The following ROBO2 variants were observed in gnomAD, a reference collection of about 807,000 sequenced individuals.
ROBO2 encodes roundabout guidance receptor 2, also known as roundabout homolog 2.
ROBO2 carries 53 observed loss-of-function variants against 160.8 expected under a neutral mutation model. The ratio of observed to expected loss-of-function variants is 0.33; its 90% CI spans 0.26 to 0.41. The LOEUF (loss-of-function observed/expected upper bound fraction) is 0.41, where lower values mean the gene tolerates loss of function less well. Ranked by LOEUF, ROBO2 falls within the 10% of genes least tolerant of loss-of-function variation. The pLI, the probability that ROBO2 is intolerant of heterozygous loss-of-function variation, is 1.00. For missense variants in ROBO2, 1,577 were observed against 1,722.4 expected (o/e 0.92, Z 1.49); for synonymous variants, 664 against 611.7 (o/e 1.09, Z -1.26).
chr3:77,196,922 G>A (rs2082359721), intron 2 of ROBO2, among the ~76,000 whole-genome samples: 1 of 150,246 alleles, frequency 6.7e-6, no homozygotes, highest in Non-Finnish European at 1.5e-5. Flanking sequence ...CAAAATATGA[G>A]AACAATTTGG....
chr3:76,357,853 A>G, intron 2 of ROBO2, among the ~76,000 whole-genome samples: 1 of 150,648 alleles, frequency 6.6e-6, no homozygotes, highest in East Asian at 1.9e-4. Context: ...AGAAACATCA[A>G]ACCAAATCAA....
At chr3:76,717,555 A>T (rs2093401541) in intron 2 of ROBO2, among the ~76,000 whole-genome samples, 1 of 152,082 alleles carries the variant, frequency 6.6e-6, no homozygotes, top group Admixed American at 6.6e-5. Flanking sequence ...TGGAGAGTGT[A>T]AATGTGAGTA....
At chr3:76,209,251 G>T (rs188154895) in intron 2 of ROBO2, among the ~76,000 whole-genome samples, 71 of 152,184 alleles carry the variant, frequency 4.7e-4, no homozygotes, top group African/African-American at 1.7e-3. Context: ...TTGCTTTCCT[G>T]TCAGACCTAC....
At chr3:77,524,899 A>G (rs1379350425) in intron 6 of ROBO2, among the ~76,000 whole-genome samples, 1 of 151,180 alleles carries the variant, frequency 6.6e-6, no homozygotes, top group Non-Finnish European at 1.5e-5. Context: ...CCTCTCTAAG[A>G]CTGAAACCTC....
At chr3:77,247,486 G>A (rs1261844870) in intron 2 of ROBO2, among the ~76,000 whole-genome samples, 1 of 152,210 alleles carries the variant, frequency 6.6e-6, no homozygotes, top group Non-Finnish European at 1.5e-5. Context: ...TGTTTACAGT[G>A]CTGAGAGTGA....
chr3:77,028,500 G>T (rs2149538491), intron 2 of ROBO2, among the ~76,000 whole-genome samples: 1 of 152,232 alleles, frequency 6.6e-6, no homozygotes, highest in East Asian at 1.9e-4. Context: ...CGGATCACCT[G>T]AGGTAAGGAG....
chr3:77,039,184 C>T (rs562888813), upstream of ROBO2, among the ~76,000 whole-genome samples: 14 of 152,290 alleles, frequency 9.2e-5, no homozygotes, highest in Middle Eastern at 3.4e-3. Context: ...GAATTCTGCC[C>T]CCTCCTTTTT....
At chr3:77,106,691 G>A (rs758207596) in intron 2 of ROBO2, among the ~76,000 whole-genome samples, 2 of 152,146 alleles carry the variant, frequency 1.3e-5, no homozygotes, top group African/African-American at 2.4e-5. Flanking sequence ...GCTGCTAAGG[G>A]ATGAGGTTCA....
intron 2 of ROBO2, among the ~76,000 whole-genome samples, chr3:76,381,824 AT>A (rs1185568731): frequency 3.3e-5 from 5 of 152,130 alleles, no homozygotes; most frequent in Non-Finnish European, 7.3e-5. Flanking sequence ...ATTGCGCCTT[AT>A]GTGTCACTGC....
chr3:76,606,443 T>G (rs2087663349), intron 2 of ROBO2, among the ~76,000 whole-genome samples: 2 of 152,202 alleles, frequency 1.3e-5, no homozygotes, highest in Non-Finnish European at 1.5e-5. Flanking sequence ...TTCTAAGCCC[T>G]GTGGAATAGA....
At chr3:76,528,743 C>A (rs553196429) in intron 2 of ROBO2, among the ~76,000 whole-genome samples, 64 of 151,916 alleles carry the variant, frequency 4.2e-4, no homozygotes, top group African/African-American at 1.4e-3. Context: ...GATGTGATCA[C>A]CAGGGGAAGG....
chr3:77,606,764 A>G (rs1025063698), intron 20 of ROBO2, among the ~76,000 whole-genome samples: 1 of 152,200 alleles, frequency 6.6e-6, no homozygotes, highest in African/African-American at 2.4e-5. Flanking sequence ...TAGCCCTGCT[A>G]CAAATAGTTT....
At chr3:76,777,223 T>C (rs140143790) in intron 2 of ROBO2, among the ~76,000 whole-genome samples, 13 of 151,264 alleles carry the variant, frequency 8.6e-5, no homozygotes, top group South Asian at 4.1e-4. Flanking sequence ...TTCGAAGTCA[T>C]ACATACTTAA....
At chr3:77,558,219 A>C (rs776265518) in intron 9 of ROBO2, 70 bp downstream of exon 10, 2 of 1,282,116 alleles carry the variant, frequency 1.6e-6, no homozygotes, top group East Asian at 2.3e-5. Context: ...AAAATTGCAT[A>C]GTGAACTTAA....
chr3:76,077,187 C>T (rs2068670388), intron 2 of ROBO2, among the ~76,000 whole-genome samples: 1 of 151,998 alleles, frequency 6.6e-6, no homozygotes, highest in African/African-American at 2.4e-5. Context: ...TAAACATTTC[C>T]CATAATGTGT....
chr3:77,215,100 G>C (rs552827476), intron 2 of ROBO2, among the ~76,000 whole-genome samples: 1 of 152,232 alleles, frequency 6.6e-6, no homozygotes, highest in Admixed American at 6.5e-5. Context: ...GGCGTTCTCT[G>C]TATTTCCTGA....
At chr3:77,085,094 C>T (rs963939485) in intron 1 of ROBO2, among the ~76,000 whole-genome samples, 8 of 152,034 alleles carry the variant, frequency 5.3e-5, no homozygotes, top group South Asian at 2.1e-4. Context: ...TGAAAAGTAT[C>T]CTGATCATTA....
intron 2 of ROBO2, among the ~76,000 whole-genome samples, chr3:76,875,234 C>T (rs1302732421): frequency 2.6e-5 from 4 of 152,134 alleles, no homozygotes; most frequent in Non-Finnish European, 5.9e-5. Flanking sequence ...CAACACTCAC[C>T]AGAAAACCAA....
At chr3:76,394,726 C>T (rs1051225479) in intron 2 of ROBO2, among the ~76,000 whole-genome samples, 6 of 151,998 alleles carry the variant, frequency 3.9e-5, no homozygotes, top group African/African-American at 1.4e-4. Flanking sequence ...TCAAAAGAGA[C>T]AAAGGCCATT....
Sources: allele counts gnomAD v4.1 joint callset (sites outside exome capture counted in the v4.1 genomes callset), GRCh38; gene constraint gnomAD v4.1.1; transcripts MANE v1.5; gene names NCBI Gene and HGNC (gene_info 2026-07-23, HGNC 2026-07-21).